PIEZO1: variants seen among roughly 807,000 people sequenced by gnomAD.
PIEZO1 encodes piezo-type mechanosensitive ion channel component 1.
In PIEZO1, 296 loss-of-function variants were observed where a neutral mutation model predicts 297.2. The observed-to-expected ratio is 1.00, with a 90% CI of 0.91 to 1.10. The LOEUF is 1.10. Among genes scored for constraint, PIEZO1 ranks in the 50% least tolerant of loss-of-function variants. The probability of loss-of-function intolerance (pLI) is 0.00; values close to 1 mark genes in which losing one functional copy is unlikely to be tolerated. For synonymous variants in PIEZO1, 2,427 were observed against 1,507.5 expected (o/e 1.61, Z -14.13); for missense variants, 5,018 against 3,455.5 (o/e 1.45, Z -11.34).
In PIEZO1 at chr16:88,723,246, T is replaced by C. The variant is rs1354110205; in HGVS notation, c.4418A>G (p.Gln1473Arg). The C allele has an allele frequency of 5.2e-6, 8 of 1,545,984 alleles. No homozygotes were observed. The East Asian group carries it at 2.0e-4, about 38-fold the overall frequency. The part of the protein sequence containing the change: ...QQEQEQARQE[Q>R]AGQLPTGGGP... The stretch of plus-strand genomic sequence containing the variant: ...CTCACCTGTGGGTAGCTGTCCTGCC[T>C]GTTCCTGCCTTGCCTGCTCCTGCTC... The change falls in exon 32 of 51, where the codon CAG becomes CGG. Residue 1473 changes from glutamine (Q) to arginine (R), a missense_variant. Transcript: ENST00000301015.
At chr16:88,760,949 C>T (rs539984596) in intron 1 of PIEZO1, among the ~76,000 whole-genome samples, 2 of 152,216 alleles carry the variant, frequency 1.3e-5, no homozygotes, top group African/African-American at 4.8e-5. Flanking sequence ...TCCTGCAGGC[C>T]TGGTGGCTGC....
rs766153882 is a variant in PIEZO1, at chr16:88,737,587, G to C, written c.1167C>G (p.Thr389=). 10 of 1,534,340 alleles carry C rather than the reference G, an allele frequency of 6.5e-6. No homozygotes were observed. Among genetic ancestry groups the C allele is most frequent in the Non-Finnish European group, 8.7e-6 (10 of 1,146,342 alleles). Residue 389 remains threonine (T), a synonymous_variant, in exon 10 of 51, where the codon ACC becomes ACG. Coordinates refer to ENST00000301015, the MANE Select transcript of PIEZO1 (RefSeq NM_001142864.4). ...EADNCIVHEL[T]GQSSVLRRPV... Reference sequence around the variant, plus strand: ...GCCGCCGCAGGACGGAGCTCTGGCCGGTCAGCTCGTGCACGATGCAGTTAT... The same window carrying C: ...GCCGCCGCAGGACGGAGCTCTGGCCCGTCAGCTCGTGCACGATGCAGTTAT...
intron 1 of PIEZO1, 33 bp from the exon 2 acceptor site, chr16:88,749,512 A>T (rs372979925): frequency 6.8e-7 from 1 of 1,475,476 alleles, no homozygotes; most frequent in African/African-American, 1.4e-5. Flanking sequence ...TAGGTCGCCA[A>T]CAGAGGATGG....
intron 5 of PIEZO1, chr16:88,739,784 A>T (rs1244907482): frequency 6.6e-6 from 1 of 152,438 alleles, no homozygotes; most frequent in African/African-American, 2.4e-5. Flanking sequence ...CTCAGAGACC[A>T]CACAGCAGCT....
intron 1 of PIEZO1, among the ~76,000 whole-genome samples, chr16:88,773,084 C>A (rs1464550424): frequency 6.6e-6 from 1 of 152,242 alleles, no homozygotes; most frequent in Admixed American, 6.5e-5. Context: ...TCGCTGTGCT[C>A]TGGAAGCAGC....
At chr16:88,757,071 G>A (rs145011063) in intron 1 of PIEZO1, among the ~76,000 whole-genome samples, 6 of 152,200 alleles carry the variant, frequency 3.9e-5, no homozygotes, top group Admixed American at 1.3e-4. Flanking sequence ...GCGAGACTCC[G>A]TCTCAAAACA....
intron 2 of PIEZO1, among the ~76,000 whole-genome samples, chr16:88,749,061 C>A (rs1349221161): frequency 2.0e-5 from 3 of 151,360 alleles, no homozygotes; most frequent in South Asian, 2.1e-4. Context: ...CACGGTGAAA[C>A]CCCGTCTCTA....
At chr16:88,749,529 C>T (rs1345658646) in intron 1 of PIEZO1, 50 bp from the exon 2 acceptor site, 1 of 1,383,536 alleles carries the variant, frequency 7.2e-7, no homozygotes, top group Admixed American at 2.1e-5. Flanking sequence ...ATGGCCAGCC[C>T]CACCCCAGAG....
intron 34 of PIEZO1, 38 bp downstream of exon 34, chr16:88,722,799 G>A (rs947001824): frequency 1.3e-6 from 2 of 1,536,040 alleles, no homozygotes; most frequent in South Asian, 1.2e-5. Flanking sequence ...GCGTAGTCAG[G>A]CAGAGCAGGG....
chr16:88,731,920 G>A lies in PIEZO1; in HGVS notation c.2992-10C>T, dbSNP rs1361745614. On this transcript the variant is annotated splice_polypyrimidine_tract_variant and intron_variant, in intron 21 of 50. Coordinates refer to ENST00000301015, the MANE Select transcript of PIEZO1 (RefSeq NM_001142864.4). ...CCATCAGGAAGCAGATCTGGGGAGG[G>A]GAGAGGGCGGGGTGTGGGGATGCAC... The A allele has an allele frequency of 7.0e-5, 106 of 1,503,882 alleles. 1 individual carries two copies. The highest frequency in any genetic ancestry group is 9.4e-5 in the Non-Finnish European group (105 of 1,117,448). 93.2% of individuals were successfully genotyped at this position (1,503,882 alleles called of 1,614,324 possible).
rs760352913 is a variant in PIEZO1 at position 88,737,603 on chromosome 16, A to C, written c.1151T>G (p.Ile384Ser). Residue 384 changes from isoleucine (I) to serine (S), a missense_variant, in exon 10 of 51, where the codon ATC becomes AGC. Ile to Ser is a moderately radical substitution (Grantham distance 142). Transcript: ENST00000301015. ...GCTCTGGCCGGTCAGCTCGTGCACG[A>C]TGCAGTTATCAGCCTCGGTGTCGGG... ...TAPDTEADNC[I>S]VHELTGQSSV... is the part of the protein sequence containing the mutation. 6.5e-7 allele frequency: 1 copy of C among 1,534,448 alleles called. No homozygotes were observed. The highest frequency in any genetic ancestry group is 1.2e-5 in the South Asian group (1 of 84,030).
At chr16:88,733,041 C>A (rs573877635) in intron 19 of PIEZO1, 3 of 585,294 alleles carry the variant, frequency 5.1e-6, no homozygotes, top group Admixed American at 6.1e-5. Flanking sequence ...TCCTCACTGC[C>A]GGAGACCCTG....
chr16:88,721,439 C>T lies in PIEZO1; in HGVS notation c.5404-9G>A, dbSNP rs567631664. On this transcript the variant is annotated splice_polypyrimidine_tract_variant and intron_variant, in intron 38 of 50. Transcript: ENST00000301015. ...TCCCAGAGGCCATAGCACTGAGGGG[C>T]GGGAGGGTGTGGTGAGGGGGCCTTG... 5.1e-5 allele frequency: 79 copies of T among 1,543,100 alleles called. 1 individual carries two copies. Among genetic ancestry groups the T allele is most frequent in the Middle Eastern group, 3.4e-4 (2 of 5,954 alleles).
At chr16:88,781,108 G>C (rs61203850) in intron 1 of PIEZO1, among the ~76,000 whole-genome samples, 1 of 152,148 alleles carries the variant, frequency 6.6e-6, no homozygotes, top group Admixed American at 6.5e-5. Context: ...CCTGACGACT[G>C]CGGTGGTCCC....
intron 1 of PIEZO1, among the ~76,000 whole-genome samples, chr16:88,762,025 G>A (rs1411181241): frequency 6.6e-6 from 1 of 152,216 alleles, no homozygotes; most frequent in African/African-American, 2.4e-5. Context: ...GGCTTATCTG[G>A]GCAGCCATCT....
chr16:88,716,542 C>T lies in PIEZO1; in HGVS notation c.6926+17G>A, dbSNP rs1393423740. The T allele has an allele frequency of 1.3e-6, 2 of 1,538,670 alleles. No individual in the cohort carries two copies. The highest frequency in any genetic ancestry group is 1.2e-5 in the South Asian group (1 of 82,698). The stretch of plus-strand genomic sequence containing the variant: ...TGGGTCCACCCACCCAGGCACTGCC[C>T]CAAGTCCAGGACGAACCTCTGGAAG... On this transcript the variant is annotated intron_variant, in intron 47 of 50. Transcript: ENST00000301015.
In PIEZO1 at chr16:88,737,550, G is replaced by C; in HGVS notation, c.1195+9C>G. 2.0e-6 allele frequency: 3 copies of C among 1,523,396 alleles called. No individual in the cohort carries two copies. The highest frequency in any genetic ancestry group is 2.4e-5 in the East Asian group (1 of 40,860). The allele number at this position is 1,523,396 out of a possible 1,614,324, so 94.4% of individuals were successfully genotyped here. The stretch of plus-strand genomic sequence containing the variant: ...CACCCAGCCATACCTTGCAGTGTGC[G>C]GTACTCACCAGGCCGCCGCAGGACG... On this transcript the variant is annotated intron_variant, in intron 10 of 50. Transcript: ENST00000301015.
chr16:88,731,506 C>T, intron 22 of PIEZO1, 200 bp downstream of exon 22: 1 of 585,770 alleles, frequency 1.7e-6, no homozygotes. Flanking sequence ...ACAGCAGAGC[C>T]TGGAGGGGGC....
At chr16:88,743,486 G>C (rs9933846) in intron 2 of PIEZO1, 224,787 of 450,814 alleles carry the variant, frequency 0.5, 57,708 homozygotes, top group Middle Eastern at 0.6. Flanking sequence ...GGAGCTCAGG[G>C]ACAGGTAGCA....
Sources: allele counts gnomAD v4.1 joint callset (sites outside exome capture counted in the v4.1 genomes callset), GRCh38; gene constraint gnomAD v4.1.1; transcripts MANE v1.5; gene names NCBI Gene and HGNC (gene_info 2026-07-23, HGNC 2026-07-21).